Variants in DDX23 observed in about 807,000 individuals in gnomAD.
DDX23 encodes the protein probable ATP-dependent RNA helicase DDX23.
A neutral mutation model predicts 102.7 loss-of-function variants in DDX23; 33 were observed. That is an observed-to-expected ratio of 0.32 (90% CI 0.24 to 0.43). The LOEUF is 0.43. DDX23 is among the 20% of genes least tolerant of loss of function. DDX23 has a pLI of 1.00. For synonymous variants in DDX23, 352 were observed against 376.0 expected (o/e 0.94, Z 0.74); for missense variants, 549 against 1,086.6 (o/e 0.51, Z 6.96).
rs1565679341 is a variant in DDX23 at position 48,845,603 on chromosome 12, G to A, written c.180C>T (p.Arg60=). Residue 60 remains arginine (R), a synonymous_variant, in exon 2 of 17, where the codon CGC becomes CGT. Transcript: ENST00000308025. The part of the protein sequence containing the change: ...RDRRRGGSRS[R]SRSRSKSAER... ...CTGCAGATTTGGAACGGGAACGAGA[G>A]CGAGAACGGCTGCCTCCTCGACGTC... 1.9e-6 allele frequency: 3 copies of A among 1,614,244 alleles called. No individual in the cohort carries two copies. The highest frequency in any genetic ancestry group is 2.2e-5 in the East Asian group (1 of 44,878).
chr12:48,832,693 T>C lies in DDX23; in HGVS notation c.1804-120A>G, dbSNP rs764010911. 84 of 1,256,324 alleles carry C rather than the reference T, an allele frequency of 6.7e-5. No homozygotes were observed. The highest frequency in any genetic ancestry group is 8.7e-5 in the Non-Finnish European group (81 of 930,666). The allele number at this position is 1,256,324 out of a possible 1,614,324, so 77.8% of individuals were successfully genotyped here. On this transcript the variant is annotated intron_variant, in intron 13 of 16. Coordinates refer to ENST00000308025, the MANE Select transcript of DDX23 (RefSeq NM_004818.3). This position sits in a 1 kb window ranked among gnomAD's most constrained non-coding sequence, Gnocchi z 4.4. ...AAATGGGCCACAGTATAGGCTTTGA[T>C]AGCCACCACCTTAGAAAATAGTGTC...
At chr12:48,839,117 C>T (rs1021866243) in intron 5 of DDX23, among the ~76,000 whole-genome samples, 1 of 152,068 alleles carries the variant, frequency 6.6e-6, no homozygotes, top group Admixed American at 6.5e-5. Flanking sequence ...TCAAGTGATC[C>T]TCCCATCTTG....
intron 8 of DDX23, 37 bp from the exon 9 acceptor site, chr12:48,837,074 C>T: frequency 2.5e-6 from 4 of 1,612,048 alleles, no homozygotes; most frequent in Non-Finnish European, 2.5e-6. Context: ...AAAGAAGGAG[C>T]TGTTAACGGC....
chr12:48,845,875 G>T, intron 1 of DDX23, 93 bp from the exon 2 acceptor site: 3 of 1,333,110 alleles, frequency 2.3e-6, no homozygotes, highest in Non-Finnish European at 3.1e-6. Flanking sequence ...ACCCTATGAG[G>T]TGGATATATT....
chr12:48,850,443 A>C (rs1330702729), intron 1 of DDX23, among the ~76,000 whole-genome samples: 1 of 152,252 alleles, frequency 6.6e-6, no homozygotes, highest in Non-Finnish European at 1.5e-5. Flanking sequence ...GGAGATTCCC[A>C]GAAGGCAAAG....
rs548986284 is a variant in DDX23 at position 48,835,527 on chromosome 12, T to C, written c.1382+594A>G. Reference sequence around the variant, plus strand: ...GAGTTAGAGACCAGCCTGACCAACATTGAGACCCCGTCTCTACTAAAAATA... The same window carrying C: ...GAGTTAGAGACCAGCCTGACCAACACTGAGACCCCGTCTCTACTAAAAATA... On this transcript the variant is annotated intron_variant, in intron 11 of 16. Coordinates refer to ENST00000308025, the MANE Select transcript of DDX23 (RefSeq NM_004818.3). Among the ~76,000 whole-genome samples, 12 of 152,062 alleles carry C rather than the reference T, an allele frequency of 7.9e-5. No individual in the cohort carries two copies. In the South Asian group the frequency reaches 1.0e-3, roughly 13 times the overall value.
At chr12:48,835,472 G>A (rs1280404734) in intron 11 of DDX23, among the ~76,000 whole-genome samples, 2 of 152,132 alleles carry the variant, frequency 1.3e-5, no homozygotes, top group African/African-American at 4.8e-5. Context: ...CACTTTGGGA[G>A]GCTGAGGCAG....
intron 3 of DDX23, among the ~76,000 whole-genome samples, chr12:48,843,434 C>T (rs1254456847): frequency 1.3e-5 from 2 of 151,758 alleles, no homozygotes; most frequent in Admixed American, 1.3e-4. Context: ...CACTGCACTC[C>T]AGCCTGGGCA....
intron 6 of DDX23, 22 bp downstream of exon 6, chr12:48,837,920 T>C: frequency 6.2e-7 from 1 of 1,612,226 alleles, no homozygotes; most frequent in Non-Finnish European, 8.5e-7. Flanking sequence ...ATCTAGGGGC[T>C]ACACAGGGTA....
In DDX23 at chr12:48,840,047, T is replaced by C. The variant is rs747430820; in HGVS notation, c.380A>G (p.Asp127Gly). 1.9e-6 allele frequency: 3 copies of C among 1,614,210 alleles called. No individual in the cohort carries two copies. The highest frequency in any genetic ancestry group is 2.5e-6 in the Non-Finnish European group (3 of 1,180,028). ...KSRKDRDSKK[D>G]EEDEHGDKKP... is the part of the protein sequence containing the mutation. Reference sequence around the variant, plus strand: ...CTTATCACCATGTTCATCCTCTTCATCCTTCTTAGAGTCTCTGTCCTTCCG... The same window carrying C: ...CTTATCACCATGTTCATCCTCTTCACCCTTCTTAGAGTCTCTGTCCTTCCG... The change falls in exon 4 of 17, where the codon GAT (aspartate) becomes GGT (glycine). Residue 127 changes from aspartate to glycine, a missense_variant. Physicochemically the swap from Asp to Gly is moderately conservative, Grantham distance 94 (BLOSUM62 -1). Coordinates refer to ENST00000308025, the MANE Select transcript of DDX23 (RefSeq NM_004818.3).
Position 48,832,559 on chromosome 12 carries a change from C to T in DDX23, c.1818G>A (p.Thr606=), listed in dbSNP as rs200749333. The T allele has an allele frequency of 3.1e-6, 5 of 1,613,996 alleles. No individual in the cohort carries two copies. The highest frequency in any genetic ancestry group is 1.7e-4 in the Middle Eastern group (1 of 6,050). Residue 606 remains threonine (T), a synonymous_variant, in exon 14 of 17, where the codon ACG becomes ACA. Coordinates refer to ENST00000308025, the MANE Select transcript of DDX23 (RefSeq NM_004818.3). This position sits in a 1 kb window ranked among gnomAD's most constrained non-coding sequence, Gnocchi z 4.4. ...KHKYRQTVMF[T]ATMPPAVERL... ...GCTCCACCGCTGGGGGCATGGTGGC[C>T]GTGAACATGACTGTCTACGAAAACA...
Position 48,846,626 on chromosome 12 carries a change from T to G in DDX23, c.1-844A>C, listed in dbSNP as rs1328749446. Among the ~76,000 whole-genome samples, 3 of 152,206 alleles carry G rather than the reference T, an allele frequency of 2.0e-5. No homozygotes were observed. The East Asian group carries it at 5.8e-4, about 29-fold the overall frequency. ...AAGAAATGTACCTCTAATTATGCAA[T>G]GGGAAGAACTTGGTGAAGGGTACAC... On this transcript the variant is annotated intron_variant, in intron 1 of 16. Transcript: ENST00000308025.
In DDX23 at chr12:48,834,476, G is replaced by A; in HGVS notation, c.1404C>T (p.Gly468=). 6.2e-7 allele frequency: 1 copy of A among 1,614,064 alleles called. No individual in the cohort carries two copies. The highest frequency in any genetic ancestry group is 8.5e-7 in the Non-Finnish European group (1 of 1,179,980). ...KIDRIEESDQ[G]PYAIILAPTR... ...TGGGAGCCAGGATGATGGCATAAGG[G>A]CCTTGGTCTGACTCTTCGATCCTGT... The change falls in exon 12 of 17, where the codon GGC becomes GGT. Residue 468 remains glycine (G), a synonymous_variant. Coordinates refer to ENST00000308025, the MANE Select transcript of DDX23 (RefSeq NM_004818.3).
At chr12:48,850,150 T>C (rs1001658083) in intron 1 of DDX23, among the ~76,000 whole-genome samples, 2 of 152,160 alleles carry the variant, frequency 1.3e-5, no homozygotes, top group Admixed American at 1.3e-4. Context: ...AGTGCTATTA[T>C]GGTACTCTAG....
At position 48,830,313 on chromosome 12, in the gene DDX23, G is replaced by T. The variant is rs769899200; in HGVS notation, c.*156C>A. On this transcript the variant is annotated 3_prime_UTR_variant, in exon 17 of 17. Transcript: ENST00000308025. The surrounding 1 kb of genome is among the most constrained non-coding windows in gnomAD (Gnocchi z 4.9). The stretch of plus-strand genomic sequence containing the variant: ...TCTCCTTTTGCAGCCCCACACGCAG[G>T]CCTCCTGACCTGAGGGTCTGGGCTA... 252 of 907,728 alleles carry T rather than the reference G, an allele frequency of 2.8e-4. No homozygotes were observed. Among genetic ancestry groups the T allele is most frequent in the Non-Finnish European group, 4.1e-4 (235 of 566,658 alleles). The allele number at this position is 907,728 out of a possible 1,614,324, so 56.2% of individuals were successfully genotyped here. A position where few individuals can be genotyped will look rare whatever the true frequency, so the allele number is the denominator to read the frequency against.
At position 48,834,335 on chromosome 12, in the gene DDX23, C is replaced by G; in HGVS notation, c.1545G>C (p.Leu515=). The change falls in exon 12 of 17, where the codon CTG becomes CTC. Residue 515 remains leucine, a synonymous_variant. Coordinates refer to ENST00000308025, the MANE Select transcript of DDX23 (RefSeq NM_004818.3). ...GISREDQGFR[L]RMGCEIVIAT... is the part of the protein sequence containing the mutation. ...AAAAACAAACCTCACAACCCATGCGCAGCCTGAAGCCCTGGTCTTCTCTGG... is the reference window on the plus strand; with the variant it reads ...AAAAACAAACCTCACAACCCATGCGGAGCCTGAAGCCCTGGTCTTCTCTGG... The G allele has an allele frequency of 1.2e-6, 2 of 1,613,574 alleles. No individual in the cohort carries two copies. The highest frequency in any genetic ancestry group is 1.7e-6 in the Non-Finnish European group (2 of 1,179,782).
At chr12:48,837,862 C>T in intron 6 of DDX23, 80 bp downstream of exon 6, 3 of 1,589,336 alleles carry the variant, frequency 1.9e-6, no homozygotes, top group Non-Finnish European at 2.6e-6. Context: ...GAACAGGTTT[C>T]TATCTCTCCT....
chr12:48,834,376 C>G lies in DDX23; in HGVS notation c.1504G>C (p.Val502Leu), dbSNP rs1349117153. Residue 502 changes from valine to leucine, a missense_variant, in exon 12 of 17, where the codon GTC becomes CTC. By Grantham distance (32) the Val-to-Leu change is conservative. Coordinates refer to ENST00000308025, the MANE Select transcript of DDX23 (RefSeq NM_004818.3). ...TCTTCTCTGGAGATGCCACCAATGA[C>G]AGCCACAGTGCGGATACCTAGCGGT... ...GKPLGIRTVA[V>L]IGGISREDQG... is the part of the protein sequence containing the mutation. The G allele has an allele frequency of 6.2e-7, 1 of 1,614,084 alleles. No individual in the cohort carries two copies. The highest frequency in any genetic ancestry group is 1.3e-5 in the African/African-American group (1 of 74,938).
chr12:48,851,646 A>T (rs558529279), intron 1 of DDX23, among the ~76,000 whole-genome samples: 1 of 152,212 alleles, frequency 6.6e-6, no homozygotes, highest in African/African-American at 2.4e-5. Flanking sequence ...GCTTTTAAGT[A>T]TAAGTAGAAT....
Sources: allele counts gnomAD v4.1 joint callset (sites outside exome capture counted in the v4.1 genomes callset), GRCh38; gene constraint gnomAD v4.1.1; non-coding constraint Gnocchi (gnomAD v3.1); transcripts MANE v1.5; gene names NCBI Gene and HGNC (gene_info 2026-07-23, HGNC 2026-07-21).